Variants in LRP1B observed in about 807,000 individuals in gnomAD.
LRP1B encodes the protein low-density lipoprotein receptor-related protein 1B.
A neutral mutation model predicts 556.6 loss-of-function variants in LRP1B; 217 were observed. That is an observed-to-expected ratio of 0.39 (90% confidence interval 0.35 to 0.44). LRP1B has a LOEUF of 0.44. Ranked by LOEUF, LRP1B falls within the 20% of genes least tolerant of loss-of-function variation. The pLI is 1.00. For missense variants in LRP1B, 5,053 were observed against 5,620.8 expected (o/e 0.90, Z 3.23); for synonymous variants, 2,047 against 1,865.8 (o/e 1.10, Z -2.50).
intron 43 of LRP1B, among the ~76,000 whole-genome samples, chr2:140,557,044 A>C (rs182416189): frequency 6.6e-6 from 1 of 152,156 alleles, no homozygotes; most frequent in Non-Finnish European, 1.5e-5. Flanking sequence ...TTCTGACTAC[A>C]TGACTATTTG....
chr2:141,491,850 C>T (rs1237566937), intron 2 of LRP1B, among the ~76,000 whole-genome samples: 1 of 151,772 alleles, frequency 6.6e-6, no homozygotes, highest in Non-Finnish European at 1.5e-5. Context: ...TTTTAAGATA[C>T]CTGTAAAAGA....
chr2:141,775,170 T>C (rs1180607992), intron 2 of LRP1B, among the ~76,000 whole-genome samples: 1 of 152,234 alleles, frequency 6.6e-6, no homozygotes, highest in Non-Finnish European at 1.5e-5. Context: ...TCCTGAGTAT[T>C]GTGCCTAGCA....
chr2:140,662,035 A>T (rs1685115430), intron 41 of LRP1B, among the ~76,000 whole-genome samples: 1 of 152,142 alleles, frequency 6.6e-6, no homozygotes. Flanking sequence ...AGTAACTCTA[A>T]CGAACAAGAA....
At chr2:140,325,644 G>A (rs1680434184) in intron 80 of LRP1B, 118 bp downstream of exon 80, 1 of 655,280 alleles carries the variant, frequency 1.5e-6, no homozygotes, top group African/African-American at 1.9e-5. Flanking sequence ...TAAGTTGAAA[G>A]GAGAAAGAAT....
chr2:141,910,140 C>A (rs368372363), intron 1 of LRP1B, among the ~76,000 whole-genome samples: 138 of 131,650 alleles, frequency 1.0e-3, no homozygotes, highest in South Asian at 1.2e-3. Context: ...GACTCCATCT[C>A]AAAAAAAAAA....
At chr2:142,077,439 A>G (rs561335966) in intron 1 of LRP1B, among the ~76,000 whole-genome samples, 1 of 152,234 alleles carries the variant, frequency 6.6e-6, no homozygotes, top group African/African-American at 2.4e-5. Flanking sequence ...AAATGAATAT[A>G]ATAATTTTTA....
chr2:140,682,317 A>G (rs1685886773), intron 41 of LRP1B, among the ~76,000 whole-genome samples: 1 of 152,200 alleles, frequency 6.6e-6, no homozygotes. Flanking sequence ...TCTGCTGCTA[A>G]GATTTTCTCT....
At chr2:140,329,938 A>G (rs562403333) in intron 79 of LRP1B, among the ~76,000 whole-genome samples, 1 of 151,894 alleles carries the variant, frequency 6.6e-6, no homozygotes, top group South Asian at 2.1e-4. Flanking sequence ...CTGGGCTCCC[A>G]CCTATAATCC....
chr2:140,797,267 G>T (rs900866745), intron 32 of LRP1B, among the ~76,000 whole-genome samples: 1 of 151,894 alleles, frequency 6.6e-6, no homozygotes, highest in Admixed American at 6.6e-5. Flanking sequence ...TTTAAAGAAG[G>T]TAAGTTACCA....
At chr2:140,862,993 C>G (rs76320280) in intron 27 of LRP1B, among the ~76,000 whole-genome samples, 2,820 of 152,286 alleles carry the variant, frequency 0.019, 87 homozygotes, top group African/African-American at 0.064. Context: ...CCATTATCCA[C>G]CTACCCTTCC....
intron 32 of LRP1B, among the ~76,000 whole-genome samples, chr2:140,789,618 CTTTTTTTT>C (rs756120273): frequency 4.2e-5 from 3 of 71,750 alleles, no homozygotes; most frequent in African/African-American, 6.1e-5. Flanking sequence ...GCTTTAAGGA[CTTTTTTTT>C]TTTTTTTTTT....
intron 3 of LRP1B, among the ~76,000 whole-genome samples, chr2:141,302,311 C>G (rs1686426136): frequency 1.3e-5 from 2 of 151,970 alleles, no homozygotes; most frequent in Admixed American, 1.3e-4. Context: ...AACATTTGGC[C>G]AGGTGTGCAA....
intron 1 of LRP1B, among the ~76,000 whole-genome samples, chr2:141,918,091 T>C (rs941397111): frequency 6.6e-6 from 1 of 152,126 alleles, no homozygotes; most frequent in African/African-American, 2.4e-5. Context: ...GATTCCATTT[T>C]TATTTTCTTT....
chr2:140,363,045 A>T (rs1682591166), intron 72 of LRP1B, among the ~76,000 whole-genome samples: 1 of 151,552 alleles, frequency 6.6e-6, no homozygotes, highest in South Asian at 2.1e-4. Context: ...CTCCTTCAAC[A>T]CTGTAGCTTT....
At chr2:140,884,841 T>A (rs1693585969) in intron 24 of LRP1B, among the ~76,000 whole-genome samples, 1 of 152,050 alleles carries the variant, frequency 6.6e-6, no homozygotes, top group Admixed American at 6.6e-5. Flanking sequence ...GCCTCCTGAG[T>A]AGCAAGGACT....
At chr2:142,016,166 A>G (rs1703124135) in intron 1 of LRP1B, among the ~76,000 whole-genome samples, 1 of 152,118 alleles carries the variant, frequency 6.6e-6, no homozygotes, top group East Asian at 1.9e-4. Context: ...GCGATCATTA[A>G]ATAGTCAGGA....
rs6730367 is a variant in LRP1B, at chr2:141,522,686, T to C, written c.206-42153A>G. ...GTTCAAATATTGGAAACATAAAATA[T>C]GTCACCATGAGGCCATGTGTGGGTG... On this transcript the variant is annotated intron_variant, in intron 2 of 90. Transcript: ENST00000389484. Among the ~76,000 whole-genome samples, 874 of 152,226 alleles carry C rather than the reference T, an allele frequency of 5.7e-3. 8 individuals are homozygous for C. The highest frequency in any genetic ancestry group is 0.019 in the African/African-American group (783 of 41,558).
At chr2:141,944,802 G>T (rs906581632) in intron 1 of LRP1B, among the ~76,000 whole-genome samples, 6 of 152,126 alleles carry the variant, frequency 3.9e-5, no homozygotes, top group Non-Finnish European at 8.8e-5. Flanking sequence ...CATCTTTGTG[G>T]TTTTGAATTC....
intron 1 of LRP1B, among the ~76,000 whole-genome samples, chr2:141,918,263 C>T (rs1001106323): frequency 9.2e-5 from 14 of 151,598 alleles, no homozygotes; most frequent in South Asian, 6.2e-4. Context: ...CTGCATTGCT[C>T]GATACGTTAC....
Sources: gnomAD v4.1 joint callset for allele counts (sites outside exome capture counted in the v4.1 genomes callset) on GRCh38, gnomAD v4.1.1 for gene constraint, MANE v1.5 for transcripts, NCBI Gene and HGNC (gene_info 2026-07-23, HGNC 2026-07-21) for gene names.